ARK2N: variants seen among roughly 807,000 people sequenced by gnomAD.
ARK2N encodes arkadia (RNF111) N-terminal like PKA signaling regulator 2N, also known as protein ARK2N.
the ARK2N span, among the ~76,000 whole-genome samples, chr18:46,204,292 A>G: frequency 6.6e-6 from 1 of 152,326 alleles, no homozygotes; most frequent in East Asian, 1.9e-4. Flanking sequence ...AAATAGCATA[A>G]GGTTTCCTGT....
At chr18:46,233,956 A>T in the ARK2N span, among the ~76,000 whole-genome samples, 5 of 152,152 alleles carry the variant, frequency 3.3e-5, no homozygotes, top group South Asian at 1.0e-3. Context: ...TAATTTTCTG[A>T]TGTTATTCTG....
At chr18:46,186,062 C>T in the ARK2N span, among the ~76,000 whole-genome samples, 1 of 151,840 alleles carries the variant, frequency 6.6e-6, no homozygotes, top group South Asian at 2.1e-4. Context: ...GGAGGGGGGG[C>T]ATTTTTTTGA....
chr18:46,257,662 A>G, the ARK2N span, among the ~76,000 whole-genome samples: 1 of 86,042 alleles, frequency 1.2e-5, no homozygotes, highest in Non-Finnish European at 3.1e-5. Context: ...ACCTCAGGCC[A>G]ATAATTTTTT....
chr18:46,251,536 A>C, the ARK2N span, among the ~76,000 whole-genome samples: 8 of 152,310 alleles, frequency 5.3e-5, no homozygotes, highest in East Asian at 1.5e-3. Context: ...TAAGCATTAA[A>C]AATTTTTCAC....
chr18:46,255,445 C>CTTTTTTTTTTT, the ARK2N span, among the ~76,000 whole-genome samples: 44 of 77,742 alleles, frequency 5.7e-4, no homozygotes, highest in African/African-American at 2.1e-3. Context: ...CTTTTCTTTT[C>CTTTTTTTTTTT]TTTTTTTTTT....
At chr18:46,188,389 T>C in the ARK2N span, among the ~76,000 whole-genome samples, 1 of 152,082 alleles carries the variant, frequency 6.6e-6, no homozygotes. Flanking sequence ...TTAGTAGAGA[T>C]GGGGTTTCAC....
the ARK2N span, among the ~76,000 whole-genome samples, chr18:46,201,809 A>C: frequency 1.5e-5 from 2 of 136,696 alleles, no homozygotes; most frequent in East Asian, 2.1e-4. Flanking sequence ...ACCGAGTCTC[A>C]CTCTGTTACC....
At chr18:46,193,398 A>AGT in the ARK2N span, among the ~76,000 whole-genome samples, 125 of 149,930 alleles carry the variant, frequency 8.3e-4, no homozygotes, top group African/African-American at 2.8e-3. Flanking sequence ...CAAGTGATTC[A>AGT]CCTGCCTCAG....
chr18:46,230,922 G>A, the ARK2N span, among the ~76,000 whole-genome samples: 1 of 152,162 alleles, frequency 6.6e-6, no homozygotes, highest in Non-Finnish European at 1.5e-5. Flanking sequence ...TGATAATCTA[G>A]CTACAGCCTG....
At chr18:46,188,821 G>C in the ARK2N span, among the ~76,000 whole-genome samples, 1 of 152,112 alleles carries the variant, frequency 6.6e-6, no homozygotes, top group African/African-American at 2.4e-5. Flanking sequence ...AAGATCCTGA[G>C]TCAGAAAAGA....
At chr18:46,177,392 T>C in the ARK2N span, among the ~76,000 whole-genome samples, 2 of 151,162 alleles carry the variant, frequency 1.3e-5, no homozygotes, top group Non-Finnish European at 2.9e-5. Flanking sequence ...CCCCTTTCTT[T>C]TTCTTCTTTT....
chr18:46,233,202 T>C, the ARK2N span, among the ~76,000 whole-genome samples: 6 of 152,166 alleles, frequency 3.9e-5, no homozygotes, highest in Admixed American at 3.9e-4. Flanking sequence ...TATTAAAAAT[T>C]GATGGATATT....
At chr18:46,259,243 C>CTTT in the ARK2N span, among the ~76,000 whole-genome samples, 270 of 136,648 alleles carry the variant, frequency 2.0e-3, 4 homozygotes, top group Middle Eastern at 0.019. Flanking sequence ...TTCTTTCTTT[C>CTTT]TTTTTTTTTT....
chr18:46,198,310 C>CAAAA, the ARK2N span, among the ~76,000 whole-genome samples: 57 of 69,092 alleles, frequency 8.2e-4, no homozygotes, highest in East Asian at 1.4e-3. Flanking sequence ...ACTCCATCTC[C>CAAAA]AAAAAAAAAA....
At chr18:46,189,442 A>T in the ARK2N span, among the ~76,000 whole-genome samples, 102 of 152,262 alleles carry the variant, frequency 6.7e-4, no homozygotes, top group African/African-American at 2.4e-3. Flanking sequence ...AGGAGTCTGT[A>T]TTAAAACTTT....
chr18:46,206,760 T>C, the ARK2N span, among the ~76,000 whole-genome samples: 1 of 152,084 alleles, frequency 6.6e-6, no homozygotes, highest in African/African-American at 2.4e-5. Flanking sequence ...TCCTCCTCTC[T>C]CTGCCATAGC....
At chr18:46,223,363 AT>A in the ARK2N span, among the ~76,000 whole-genome samples, 2 of 152,214 alleles carry the variant, frequency 1.3e-5, no homozygotes, top group South Asian at 4.1e-4. Flanking sequence ...GAAAAGGAAC[AT>A]TATGAAATTA....
At chr18:46,252,295 G>C in the ARK2N span, among the ~76,000 whole-genome samples, 1 of 150,616 alleles carries the variant, frequency 6.6e-6, no homozygotes, top group African/African-American at 2.4e-5. Context: ...TTTTTTTTGA[G>C]ACAGAATCTC....
At chr18:46,246,713 C>T in the ARK2N span, among the ~76,000 whole-genome samples, 24 of 143,198 alleles carry the variant, frequency 1.7e-4, no homozygotes, top group Admixed American at 2.8e-4. Flanking sequence ...GAGGCCGAGG[C>T]GGGTAGATTA....
Sources: gnomAD v4.1 joint callset for allele counts (sites outside exome capture counted in the v4.1 genomes callset) on GRCh38, gnomAD v4.1.1 for gene constraint, MANE v1.5 for transcripts, NCBI Gene and HGNC (gene_info 2026-07-23, HGNC 2026-07-21) for gene names.